AEBP2: variants seen among roughly 807,000 people sequenced by gnomAD.
The protein encoded by AEBP2 is zinc finger protein AEBP2.
In AEBP2, 10 loss-of-function variants were observed where a neutral mutation model predicts 50.8. The observed-to-expected ratio is 0.20, with a 90% CI of 0.12 to 0.33. The LOEUF is 0.33. Among genes scored for constraint, AEBP2 ranks in the 10% least tolerant of loss-of-function variants. The pLI is 1.00. For synonymous variants in AEBP2, 296 were observed against 261.3 expected (o/e 1.13, Z -1.28); for missense variants, 570 against 688.0 (o/e 0.83, Z 1.92).
At chr12:19,516,007 C>T (rs1434966384) in intron 7 of AEBP2, among the ~76,000 whole-genome samples, 4 of 152,120 alleles carry the variant, frequency 2.6e-5, no homozygotes, top group African/African-American at 7.2e-5. Flanking sequence ...ATTGCTTCAG[C>T]CTGGAAGTTC....
intron 1 of AEBP2, among the ~76,000 whole-genome samples, chr12:19,448,440 G>A (rs1186334789): frequency 6.6e-6 from 1 of 151,332 alleles, no homozygotes; most frequent in African/African-American, 2.4e-5. Flanking sequence ...ATCTGAGATC[G>A]TGCCATTGTG....
chr12:19,498,151 T>C (rs1592770527), intron 4 of AEBP2, among the ~76,000 whole-genome samples: 1 of 152,182 alleles, frequency 6.6e-6, no homozygotes, highest in African/African-American at 2.4e-5. Context: ...TTTAGTGATT[T>C]AGAGTGATGA....
intron 1 of AEBP2, among the ~76,000 whole-genome samples, chr12:19,459,521 G>A (rs1304423086): frequency 2.0e-5 from 3 of 152,116 alleles, no homozygotes; most frequent in African/African-American, 4.8e-5. Flanking sequence ...GTGAGCCACC[G>A]CGCCCGGCCG....
At chr12:19,489,314 G>T (rs1451015147) in intron 3 of AEBP2, among the ~76,000 whole-genome samples, 2 of 152,226 alleles carry the variant, frequency 1.3e-5, no homozygotes, top group African/African-American at 4.8e-5. Context: ...TCTTCACAAG[G>T]TGGTGGCAGA....
intron 1 of AEBP2, chr12:19,413,456 AT>A (rs2095740540): frequency 2.7e-6 from 3 of 1,092,160 alleles, no homozygotes; most frequent in South Asian, 2.5e-5. Flanking sequence ...GAAGACGATT[AT>A]TGAACTACAA....
At chr12:19,495,897 T>C (rs1162273743) in intron 4 of AEBP2, among the ~76,000 whole-genome samples, 1 of 152,184 alleles carries the variant, frequency 6.6e-6, no homozygotes, top group Admixed American at 6.6e-5. Flanking sequence ...ACGTTGGCTA[T>C]TTATGGTACC....
intron 3 of AEBP2, among the ~76,000 whole-genome samples, chr12:19,490,259 C>T (rs1405815025): frequency 2.0e-5 from 3 of 152,138 alleles, no homozygotes; most frequent in Non-Finnish European, 4.4e-5. Flanking sequence ...TTTCTCAATT[C>T]AGACTAGCCA....
chr12:19,490,277 A>G lies in AEBP2; in HGVS notation c.988-3523A>G, dbSNP rs963447660. Among the ~76,000 whole-genome samples the G allele has an allele frequency of 1.6e-4, 24 of 152,156 alleles. 1 individual carries two copies. Among genetic ancestry groups the G allele is most frequent in the African/African-American group, 5.6e-4 (23 of 41,432 alleles). ...CTCAATTCAGACTAGCCAAGTTTCA[A>G]ATGCTTAGAAGTTACCTATATCTAA... On this transcript the variant is annotated intron_variant, in intron 3 of 7. Transcript: ENST00000266508.
At chr12:19,510,747 G>A (rs572740281) in intron 5 of AEBP2, among the ~76,000 whole-genome samples, 7 of 152,110 alleles carry the variant, frequency 4.6e-5, no homozygotes, top group Non-Finnish European at 7.4e-5. Context: ...TTATTAAAGC[G>A]GAGCCAGAAC....
Position 19,462,556 on chromosome 12 carries a change from C to T in AEBP2, c.718C>T (p.Arg240Cys), listed in dbSNP as rs969367571. The T allele has an allele frequency of 3.1e-6, 5 of 1,613,272 alleles. No homozygotes were observed. Among genetic ancestry groups the T allele is most frequent in the Non-Finnish European group, 3.4e-6 (4 of 1,179,634 alleles). The stretch of plus-strand genomic sequence containing the variant: ...TGTAGACAGCACAATTTCCAGTGGG[C>T]GTTCAACTCCAGCAATGATGAATGG... ...MDVDSTISSG[R>C]STPAMMNGQG... Residue 240 changes from arginine (R) to cysteine (C), a missense_variant, in exon 2 of 8, where the codon CGT (arginine) becomes TGT (cysteine). Physicochemically the swap from Arg to Cys is radical, Grantham distance 180 (BLOSUM62 -3). Around this residue, in one of 2 missense-constraint regions of AEBP2, gnomAD observed 184 missense variants for 351.2 expected, o/e 0.52. Coordinates refer to ENST00000266508, the MANE Select transcript of AEBP2 (RefSeq NM_153207.5).
In AEBP2 at chr12:19,486,693, A is replaced by T. The variant is rs200572288; in HGVS notation, c.988-7107A>T. Among the ~76,000 whole-genome samples the T allele has an allele frequency of 6.6e-5, 10 of 152,250 alleles. No homozygotes were observed. The East Asian group carries it at 1.5e-3, about 23-fold the overall frequency. On this transcript the variant is annotated intron_variant, in intron 3 of 7. Transcript: ENST00000266508. ...GCACCATGCTCGACCATCTTTGGCTACTATTAACCAAGTTGCCCCATGGAC... is the reference window on the plus strand; with the variant it reads ...GCACCATGCTCGACCATCTTTGGCTTCTATTAACCAAGTTGCCCCATGGAC...
At chr12:19,439,451 C>T (rs1490117240), upstream of AEBP2, among the ~76,000 whole-genome samples, 1 of 150,882 alleles carries the variant, frequency 6.6e-6, no homozygotes, top group African/African-American at 2.4e-5. Context: ...AACCCGCAGC[C>T]GGGGGAGGTG....
At chr12:19,512,360 C>T (rs750046871) in intron 5 of AEBP2, 38 bp from the exon 6 acceptor site, 6 of 1,352,334 alleles carry the variant, frequency 4.4e-6, no homozygotes, top group Non-Finnish European at 4.1e-6. Context: ...TGATGTTTTA[C>T]ACATTGTTTT....
intron 1 of AEBP2, among the ~76,000 whole-genome samples, chr12:19,413,664 T>C (rs2095740649): frequency 1.3e-5 from 2 of 152,290 alleles, no homozygotes; most frequent in South Asian, 4.1e-4. Context: ...TTTATGGTTA[T>C]TTATTGATGA....
chr12:19,450,574 A>G (rs1948149791), intron 1 of AEBP2, among the ~76,000 whole-genome samples: 1 of 144,408 alleles, frequency 6.9e-6, no homozygotes, highest in East Asian at 2.0e-4. Context: ...TCATGCCTGT[A>G]ATCTCAGCAC....
intron 1 of AEBP2, among the ~76,000 whole-genome samples, chr12:19,455,733 G>A (rs921129223): frequency 2.5e-4 from 38 of 152,196 alleles, no homozygotes; most frequent in African/African-American, 8.4e-4. Context: ...CTGCTAGATA[G>A]TTTCTAAACT....
chr12:19,471,011 G>T (rs964550185), intron 2 of AEBP2, among the ~76,000 whole-genome samples: 1 of 152,068 alleles, frequency 6.6e-6, no homozygotes, highest in Non-Finnish European at 1.5e-5. Flanking sequence ...GCAATGACTT[G>T]TGCACCAAAC....
intron 3 of AEBP2, among the ~76,000 whole-genome samples, chr12:19,484,119 G>A (rs901920021): frequency 1.3e-5 from 2 of 151,960 alleles, no homozygotes; most frequent in Non-Finnish European, 1.5e-5. Flanking sequence ...TGGCTCTGTC[G>A]CCCAGGCTAG....
chr12:19,443,946 T>A (rs748917246), intron 1 of AEBP2, among the ~76,000 whole-genome samples: 1 of 152,178 alleles, frequency 6.6e-6, no homozygotes, highest in African/African-American at 2.4e-5. Context: ...TCTTGAAATT[T>A]ATATGTAATT....
Sources: gnomAD v4.1 joint callset for allele counts (sites outside exome capture counted in the v4.1 genomes callset) on GRCh38, gnomAD v4.1.1 for gene constraint, gnomAD v4.1.1 regional missense constraint, MANE v1.5 for transcripts, NCBI Gene and HGNC (gene_info 2026-07-23, HGNC 2026-07-21) for gene names.